The following DKK2 variants were observed in gnomAD, a reference collection of about 807,000 sequenced individuals.
DKK2 encodes the protein dickkopf Wnt signaling pathway inhibitor 2, also known as dickkopf-related protein 2.
In DKK2, 11 loss-of-function variants were observed where a neutral mutation model predicts 28.1. The observed-to-expected ratio is 0.39, with a 90% confidence interval of 0.25 to 0.65. DKK2 has a LOEUF of 0.65. Ranked by LOEUF, DKK2 falls within the 30% of genes least tolerant of loss-of-function variation. The pLI is 0.47. For synonymous variants in DKK2, 135 were observed against 126.5 expected (o/e 1.07, Z -0.45); for missense variants, 326 against 335.5 (o/e 0.97, Z 0.22).
chr4:107,024,325 C>A (rs1723739807), intron 1 of DKK2, among the ~76,000 whole-genome samples: 1 of 152,072 alleles, frequency 6.6e-6, no homozygotes, highest in Non-Finnish European at 1.5e-5. Context: ...GATATTCTAA[C>A]AGCAGGCAAG....
At chr4:106,978,641 G>A (rs1722978798) in intron 1 of DKK2, among the ~76,000 whole-genome samples, 1 of 152,104 alleles carries the variant, frequency 6.6e-6, no homozygotes, top group African/African-American at 2.4e-5. Context: ...TCCTGGCAGC[G>A]AAAATTTCAA....
chr4:106,992,981 T>C (rs1160093834), intron 1 of DKK2, among the ~76,000 whole-genome samples: 1 of 152,210 alleles, frequency 6.6e-6, no homozygotes, highest in Non-Finnish European at 1.5e-5. Flanking sequence ...TCCAGTGATA[T>C]GAGAATTCCA....
chr4:106,969,286 T>A (rs1219635852), intron 1 of DKK2, among the ~76,000 whole-genome samples: 1 of 151,282 alleles, frequency 6.6e-6, no homozygotes, highest in Non-Finnish European at 1.5e-5. Context: ...CTCTCTCATC[T>A]CTCATCTCTC....
intron 1 of DKK2, among the ~76,000 whole-genome samples, chr4:106,948,045 C>A (rs770392032): frequency 1.3e-5 from 2 of 152,140 alleles, no homozygotes; most frequent in African/African-American, 4.8e-5. Context: ...TTCCATCACT[C>A]CTAAATAAAA....
chr4:106,935,964 G>C (rs1162143352), intron 1 of DKK2, among the ~76,000 whole-genome samples: 1 of 152,096 alleles, frequency 6.6e-6, no homozygotes, highest in Non-Finnish European at 1.5e-5. Flanking sequence ...AAACCCATCT[G>C]TACATCACCA....
At chr4:106,989,365 T>G (rs568544306) in intron 1 of DKK2, among the ~76,000 whole-genome samples, 2 of 152,324 alleles carry the variant, frequency 1.3e-5, no homozygotes, top group African/African-American at 4.8e-5. Context: ...GCTGTGTGAC[T>G]TGAACAAGTA....
intron 1 of DKK2, among the ~76,000 whole-genome samples, chr4:106,954,298 T>C (rs2110347758): frequency 6.6e-6 from 1 of 152,300 alleles, no homozygotes; most frequent in Middle Eastern, 3.4e-3. Flanking sequence ...TCTTTTTTTG[T>C]TTTGTTTCTT....
At chr4:106,932,523 G>A (rs973599985) in intron 1 of DKK2, among the ~76,000 whole-genome samples, 8 of 152,068 alleles carry the variant, frequency 5.3e-5, no homozygotes, top group Admixed American at 5.2e-4. Flanking sequence ...TTTCCATATG[G>A]TCTCAGCTCC....
intron 1 of DKK2, among the ~76,000 whole-genome samples, chr4:106,935,256 G>A (rs200389224): frequency 1.4e-4 from 21 of 150,418 alleles, no homozygotes; most frequent in South Asian, 4.2e-4. Flanking sequence ...CAGTGGGTGC[G>A]CGCACCGTGT....
intron 1 of DKK2, among the ~76,000 whole-genome samples, chr4:107,031,875 A>C (rs1723881115): frequency 6.6e-6 from 1 of 151,962 alleles, no homozygotes; most frequent in Admixed American, 6.5e-5. Context: ...GGTCCATAAA[A>C]GTCAACACCT....
At chr4:106,977,701 G>C (rs1030047650) in intron 1 of DKK2, among the ~76,000 whole-genome samples, 1 of 152,054 alleles carries the variant, frequency 6.6e-6, no homozygotes, top group Non-Finnish European at 1.5e-5. Flanking sequence ...TAGCTCAGAG[G>C]AGTTTGTTAT....
chr4:106,942,229 G>T (rs898296000), intron 1 of DKK2, among the ~76,000 whole-genome samples: 2 of 152,066 alleles, frequency 1.3e-5, no homozygotes, highest in Admixed American at 6.6e-5. Flanking sequence ...ATCCCCAAAA[G>T]AACATACTGA....
intron 1 of DKK2, among the ~76,000 whole-genome samples, chr4:106,936,964 A>T (rs1177040813): frequency 0.011 from 1,675 of 152,126 alleles, 34 homozygotes; most frequent in African/African-American, 0.038. Flanking sequence ...CTCCTGAAGG[A>T]AGCGCTAAAC....
intron 1 of DKK2, among the ~76,000 whole-genome samples, chr4:106,967,990 T>G (rs1722809026): frequency 1.5e-5 from 2 of 135,682 alleles, no homozygotes; most frequent in African/African-American, 5.6e-5. Context: ...AGTAGAAAGG[T>G]AGTAAGAGAG....
In DKK2 at chr4:106,971,214, A is replaced by G. The variant is rs185018476; in HGVS notation, c.223-45265T>C. Among the ~76,000 whole-genome samples the G allele has an allele frequency of 1.8e-3, 274 of 152,210 alleles. 1 individual carries two copies. Among genetic ancestry groups the G allele is most frequent in the African/African-American group, 6.3e-3 (263 of 41,542 alleles). ...ATCCATGAGTCAAGATAAACCCAGA[A>G]ATTAACTTTCTAAGTGATACTGAGC... is the stretch of plus-strand genomic sequence containing the variant. On this transcript the variant is annotated intron_variant, in intron 1 of 3. Coordinates refer to ENST00000285311, the MANE Select transcript of DKK2 (RefSeq NM_014421.3).
chr4:106,923,146 G>GA lies in DKK2; in HGVS notation c.*807dup, dbSNP rs1724372804. On this transcript the variant is annotated 3_prime_UTR_variant, in exon 4 of 4. Coordinates refer to ENST00000285311, the MANE Select transcript of DKK2 (RefSeq NM_014421.3). ...AGTCACAATTTATGGGTATAGTTTG[G>GA]AAAATATAATGCATTCAGAGCAGGA... 6.6e-6 allele frequency: 1 copy of GA among 152,056 alleles called. No homozygotes were observed. The highest frequency in any genetic ancestry group is 6.6e-5 in the Admixed American group (1 of 15,250). The allele number at this position is 152,056 out of a possible 1,614,324, so 9.4% of individuals were successfully genotyped here. A position where few individuals can be genotyped will look rare whatever the true frequency, so the allele number is the denominator to read the frequency against.
chr4:106,983,337 G>GAAGAAAGGAAAGAAAGA (rs1553923101), intron 1 of DKK2, among the ~76,000 whole-genome samples: 3 of 120,432 alleles, frequency 2.5e-5, no homozygotes, highest in African/African-American at 6.3e-5. Context: ...AGGAAGAAAG[G>GAAGAAAGGAAAGAAAGA]AAGAAAGAAA....
intron 1 of DKK2, among the ~76,000 whole-genome samples, chr4:106,941,367 T>C (rs1724696477): frequency 6.6e-6 from 1 of 152,164 alleles, no homozygotes; most frequent in Non-Finnish European, 1.5e-5. Flanking sequence ...TTGAACAAGA[T>C]TGCTTGTCCA....
At chr4:106,982,820 T>C (rs1448298477) in intron 1 of DKK2, among the ~76,000 whole-genome samples, 1 of 150,942 alleles carries the variant, frequency 6.6e-6, no homozygotes, top group Non-Finnish European at 1.5e-5. Context: ...GGGAGGATTG[T>C]TTGAGTCCAG....
Sources: gnomAD v4.1 joint callset for allele counts (sites outside exome capture counted in the v4.1 genomes callset) on GRCh38, gnomAD v4.1.1 for gene constraint, MANE v1.5 for transcripts, NCBI Gene and HGNC (gene_info 2026-07-23, HGNC 2026-07-21) for gene names.